The following SNTG2 variants were observed in gnomAD, a reference collection of about 807,000 sequenced individuals.
SNTG2 encodes gamma-2-syntrophin.
In SNTG2, 74 loss-of-function variants were observed where a neutral mutation model predicts 70.9. That is an observed-to-expected ratio of 1.04 (90% CI 0.86 to 1.27). The LOEUF is 1.27. SNTG2 is among the 50% of genes most tolerant of loss of function. The probability of loss-of-function intolerance (pLI) is 0.00; values close to 1 mark genes in which losing one functional copy is unlikely to be tolerated. For synonymous variants in SNTG2, 278 were observed against 273.8 expected (o/e 1.02, Z -0.15); for missense variants, 717 against 690.7 (o/e 1.04, Z -0.43).
In SNTG2 at chr2:1,094,380, G is replaced by T. The variant is rs1665244109; in HGVS notation, c.211-3816G>T. ...ATGGTAGAGTTACTGGCAAGGGCTG[G>T]CTTCCTGGACTGCAGGCGAAGGCCT... On this transcript the variant is annotated intron_variant, in intron 2 of 16. Coordinates refer to ENST00000308624, the MANE Select transcript of SNTG2 (RefSeq NM_018968.4). Among the ~76,000 whole-genome samples, 2 of 60,822 alleles carry T rather than the reference G, an allele frequency of 3.3e-5. 1 individual carries two copies. Among genetic ancestry groups the T allele is most frequent in the African/African-American group, 1.7e-4 (2 of 11,486 alleles). The allele number at this position is 60,822 out of a possible 152,430, so 39.9% of individuals were successfully genotyped here. A position where few individuals can be genotyped will look rare whatever the true frequency, so the allele number is the denominator to read the frequency against.
chr2:1,072,914 A>G (rs957447170), intron 1 of SNTG2, among the ~76,000 whole-genome samples: 2 of 152,210 alleles, frequency 1.3e-5, no homozygotes, highest in Non-Finnish European at 2.9e-5. Flanking sequence ...ACTTCAGTGG[A>G]GCAGGTACCT....
At chr2:1,041,551 G>A (rs1384435958) in intron 1 of SNTG2, among the ~76,000 whole-genome samples, 5 of 152,128 alleles carry the variant, frequency 3.3e-5, no homozygotes, top group East Asian at 1.9e-4. Flanking sequence ...CATGGGCACC[G>A]ATTCTTCGTG....
intron 8 of SNTG2, among the ~76,000 whole-genome samples, chr2:1,199,551 C>G (rs1411267722): frequency 6.6e-6 from 1 of 152,022 alleles, no homozygotes; most frequent in East Asian, 1.9e-4. Flanking sequence ...AAACAAAAGG[C>G]ATTCACATTG....
intron 14 of SNTG2, among the ~76,000 whole-genome samples, chr2:1,289,274 C>T (rs1475953759): frequency 6.6e-6 from 1 of 152,000 alleles, no homozygotes; most frequent in Non-Finnish European, 1.5e-5. Context: ...TGACTGGGGT[C>T]CTGTTCTCAC....
chr2:1,300,415 C>G (rs1252987215), intron 14 of SNTG2, among the ~76,000 whole-genome samples: 1 of 152,168 alleles, frequency 6.6e-6, no homozygotes, highest in African/African-American at 2.4e-5. Flanking sequence ...GCTCACTGAC[C>G]CCAGGATAAA....
intron 11 of SNTG2, among the ~76,000 whole-genome samples, chr2:1,243,466 A>G (rs997526307): frequency 5.3e-5 from 8 of 152,176 alleles, no homozygotes; most frequent in African/African-American, 1.9e-4. Flanking sequence ...GTTCTCCTCC[A>G]AAAAGAAGGC....
intron 1 of SNTG2, among the ~76,000 whole-genome samples, chr2:1,045,872 A>C (rs138469011): frequency 5.3e-5 from 8 of 152,196 alleles, no homozygotes; most frequent in African/African-American, 1.9e-4. Flanking sequence ...TGTTCTGTAG[A>C]TGTCTATTAG....
intron 16 of SNTG2, among the ~76,000 whole-genome samples, chr2:1,338,372 A>T (rs1048457967): frequency 6.6e-6 from 1 of 151,790 alleles, no homozygotes; most frequent in Non-Finnish European, 1.5e-5. Context: ...TCTTTTAACA[A>T]TTTTTTTTAG....
At chr2:1,000,830 C>T (rs1476429137) in intron 1 of SNTG2, among the ~76,000 whole-genome samples, 1 of 151,682 alleles carries the variant, frequency 6.6e-6, no homozygotes, top group East Asian at 1.9e-4. Flanking sequence ...AAGCTACAGG[C>T]AAATATCATA....
chr2:1,035,762 T>C (rs1661094613), intron 1 of SNTG2, among the ~76,000 whole-genome samples: 1 of 152,256 alleles, frequency 6.6e-6, no homozygotes, highest in South Asian at 2.1e-4. Flanking sequence ...TAAAGTCTTT[T>C]ATTTTCAACT....
intron 14 of SNTG2, 128 bp downstream of exon 14, chr2:1,267,699 G>A (rs1678820983): frequency 3.5e-6 from 3 of 868,534 alleles, no homozygotes; most frequent in African/African-American, 3.4e-5. Context: ...TTTCACCGGA[G>A]CTACTGTGTG....
Position 1,291,189 on chromosome 2 carries a change from T to C in SNTG2, c.1285-17305T>C, listed in dbSNP as rs531323454. 3.0e-4 allele frequency among the ~76,000 whole-genome samples: 46 copies of C among 152,308 alleles called. 1 individual carries two copies. In the South Asian group the frequency reaches 7.5e-3, roughly 25 times the overall value. On this transcript the variant is annotated intron_variant, in intron 14 of 16. Transcript: ENST00000308624. ...TCTATTCAGGTCTTTTGCCCGTCTTTTAATTGGGTTGTTTGCTTGTTTTCT... is the reference window on the plus strand; with the variant it reads ...TCTATTCAGGTCTTTTGCCCGTCTTCTAATTGGGTTGTTTGCTTGTTTTCT...
intron 13 of SNTG2, among the ~76,000 whole-genome samples, chr2:1,266,135 GAAAGAGACAC>G (rs1035231212): frequency 5.9e-5 from 9 of 152,028 alleles, no homozygotes; most frequent in Non-Finnish European, 2.9e-5. Context: ...TGGAGAGAGA[GAAAGAGACAC>G]AAAGAGAGAC....
chr2:1,192,556 A>G (rs1324274470), intron 8 of SNTG2, among the ~76,000 whole-genome samples: 1 of 152,166 alleles, frequency 6.6e-6, no homozygotes, highest in African/African-American at 2.4e-5. Context: ...TAGAAAACAC[A>G]TGATGTTTTC....
At chr2:1,078,621 A>C (rs115227796) in intron 1 of SNTG2, among the ~76,000 whole-genome samples, 1,563 of 152,268 alleles carry the variant, frequency 0.01, 11 homozygotes, top group Middle Eastern at 0.024. Context: ...TTCCTTTGAG[A>C]AATGGCAAAC....
chr2:1,161,870 C>T (rs987983400), intron 6 of SNTG2, among the ~76,000 whole-genome samples: 90 of 152,110 alleles, frequency 5.9e-4, no homozygotes, highest in African/African-American at 9.6e-4. Context: ...GTCAGGAGAT[C>T]GAGACCATCC....
intron 1 of SNTG2, among the ~76,000 whole-genome samples, chr2:967,055 A>G (rs571569955): frequency 8.5e-5 from 13 of 152,362 alleles, no homozygotes; most frequent in African/African-American, 2.6e-4. Context: ...AGAAAAATGT[A>G]CAAAGAATAT....
At chr2:1,236,177 T>C (rs1327089640) in intron 9 of SNTG2, among the ~76,000 whole-genome samples, 2 of 152,236 alleles carry the variant, frequency 1.3e-5, no homozygotes, top group African/African-American at 4.8e-5. Flanking sequence ...GCACTTACTT[T>C]AATAAGAATT....
At chr2:1,119,366 G>A (rs77710930) in intron 4 of SNTG2, among the ~76,000 whole-genome samples, 2,769 of 152,260 alleles carry the variant, frequency 0.018, 64 homozygotes, top group East Asian at 0.054. Flanking sequence ...AAGGAAGTAC[G>A]TAGTCAAATT....
Sources: allele counts gnomAD v4.1 joint callset (sites outside exome capture counted in the v4.1 genomes callset), GRCh38; gene constraint gnomAD v4.1.1; transcripts MANE v1.5; gene names NCBI Gene and HGNC (gene_info 2026-07-23, HGNC 2026-07-21).